Variants in PANX1 observed in about 807,000 individuals in gnomAD.
PANX1 encodes the protein pannexin 1.
A neutral mutation model predicts 38.7 loss-of-function variants in PANX1; 30 were observed. The observed-to-expected ratio is 0.78, with a 90% CI of 0.58 to 1.05. The LOEUF (loss-of-function observed/expected upper bound fraction) is 1.05, where lower values mean the gene tolerates loss of function less well. Among genes scored for constraint, PANX1 ranks in the 50% least tolerant of loss-of-function variants. The pLI, the probability that PANX1 is intolerant of heterozygous loss-of-function variation, is 0.00. For synonymous variants in PANX1, 230 were observed against 212.2 expected (o/e 1.08, Z -0.73); for missense variants, 551 against 517.2 (o/e 1.07, Z -0.63).
chr11:94,167,818 C>T (rs757018117), intron 2 of PANX1, among the ~76,000 whole-genome samples: 2 of 152,188 alleles, frequency 1.3e-5, no homozygotes, highest in Non-Finnish European at 2.9e-5. Context: ...ATGGTCCCTT[C>T]ATCAAGGAGC....
chr11:94,146,885 T>C (rs1446465085), intron 1 of PANX1, among the ~76,000 whole-genome samples: 2 of 152,208 alleles, frequency 1.3e-5, no homozygotes, highest in East Asian at 3.8e-4. Context: ...ATTGCTTGTA[T>C]CTGGTATTTT....
chr11:94,158,960 G>C (rs532670167), intron 2 of PANX1, among the ~76,000 whole-genome samples: 14 of 152,266 alleles, frequency 9.2e-5, no homozygotes, highest in East Asian at 1.9e-4. Context: ...TAGCATGAAG[G>C]GTTGTTGAAT....
At chr11:94,134,824 A>C (rs1327024736) in intron 1 of PANX1, among the ~76,000 whole-genome samples, 2 of 152,068 alleles carry the variant, frequency 1.3e-5, no homozygotes, top group South Asian at 4.1e-4. Flanking sequence ...CTCACCAGAC[A>C]CCGAATCTGC....
intron 4 of PANX1, among the ~76,000 whole-genome samples, chr11:94,180,491 C>G (rs1331668327): frequency 6.6e-6 from 1 of 152,176 alleles, no homozygotes; most frequent in African/African-American, 2.4e-5. Flanking sequence ...TGTGCTTTTT[C>G]TGGTTTTTCC....
intron 2 of PANX1, among the ~76,000 whole-genome samples, chr11:94,154,846 C>G (rs1434091254): frequency 2.6e-5 from 4 of 152,108 alleles, no homozygotes; most frequent in African/African-American, 9.7e-5. Context: ...ATACTGTATT[C>G]TTACAATAAG....
At chr11:94,132,799 T>C (rs775611607) in intron 1 of PANX1, among the ~76,000 whole-genome samples, 1 of 152,210 alleles carries the variant, frequency 6.6e-6, no homozygotes, top group African/African-American at 2.4e-5. Flanking sequence ...TTTGATAAAA[T>C]AGGGTTCAAG....
intron 1 of PANX1, among the ~76,000 whole-genome samples, chr11:94,146,984 C>G (rs1457029376): frequency 6.6e-6 from 1 of 152,182 alleles, no homozygotes; most frequent in African/African-American, 2.4e-5. Context: ...GTCATGATCT[C>G]TGCAACTAAC....
Position 94,129,471 on chromosome 11 carries a change from C to G in PANX1, c.159C>G (p.Ala53=). The change falls in exon 1 of 5, where the codon GCC becomes GCG. Residue 53 remains alanine, a synonymous_variant. Transcript: ENST00000227638. The part of the protein sequence containing the change: ...VGLPLLLISL[A]FAQEISIGTQ... ...TGCCCCTGCTGCTCATCTCGCTGGC[C>G]TTCGCGCAGGAGATCTCGATTGGTA... 1 of 1,612,716 alleles carries G rather than the reference C, an allele frequency of 6.2e-7. No homozygotes were observed. Among genetic ancestry groups the G allele is most frequent in the Non-Finnish European group, 8.5e-7 (1 of 1,179,144 alleles).
In PANX1 at chr11:94,164,146, G is replaced by T. The variant is rs569123656; in HGVS notation, c.321+10516G>T. Among the ~76,000 whole-genome samples, 6 of 150,918 alleles carry T rather than the reference G, an allele frequency of 4.0e-5. No individual in the cohort carries two copies. In the South Asian group the frequency reaches 1.3e-3, roughly 32 times the overall value. Reference sequence around the variant, plus strand: ...TTTTTAGTCTGGCTAAAGGTTTGTTGATTTTGTCTTTTCAAAAAACCAACT... The same window carrying T: ...TTTTTAGTCTGGCTAAAGGTTTGTTTATTTTGTCTTTTCAAAAAACCAACT... On this transcript the variant is annotated intron_variant, in intron 2 of 4. Transcript: ENST00000227638.
chr11:94,159,284 A>T (rs981281047), intron 2 of PANX1, among the ~76,000 whole-genome samples: 1 of 151,964 alleles, frequency 6.6e-6, no homozygotes, highest in African/African-American at 2.4e-5. Context: ...GTTAGGGAGG[A>T]TTCCCTCTTT....
intron 1 of PANX1, among the ~76,000 whole-genome samples, chr11:94,141,756 A>C (rs1278334534): frequency 3.3e-5 from 5 of 152,160 alleles, no homozygotes; most frequent in African/African-American, 7.2e-5. Context: ...CTGGCATGGC[A>C]CACATTGACT....
chr11:94,177,374 C>T lies in PANX1; in HGVS notation c.322-995C>T, dbSNP rs543362941. Among the ~76,000 whole-genome samples, 26 of 151,400 alleles carry T rather than the reference C, an allele frequency of 1.7e-4. 1 individual carries two copies. Among genetic ancestry groups the T allele is most frequent in the African/African-American group, 4.4e-4 (18 of 41,116 alleles). On this transcript the variant is annotated intron_variant, in intron 2 of 4. Transcript: ENST00000227638. ...TGTCTTATTGCTGATTAGAAGATCA[C>T]GCAAAAGGATAGTCGAAAGTGACAT...
intron 1 of PANX1, 74 bp downstream of exon 1, chr11:94,129,567 G>A (rs1483159694): frequency 1.5e-6 from 2 of 1,366,864 alleles, no homozygotes; most frequent in Admixed American, 2.0e-5. Context: ...ACGGCTCACA[G>A]GCCCGAGTCT....
intron 1 of PANX1, among the ~76,000 whole-genome samples, chr11:94,150,178 C>T (rs1004558999): frequency 6.7e-6 from 1 of 149,902 alleles, no homozygotes; most frequent in Non-Finnish European, 1.5e-5. Context: ...GGCCTCCGGG[C>T]AGAGGGGATC....
chr11:94,134,251 G>C (rs1220319739), intron 1 of PANX1, among the ~76,000 whole-genome samples: 1 of 152,188 alleles, frequency 6.6e-6, no homozygotes, highest in African/African-American at 2.4e-5. Context: ...GCTGCTGGGA[G>C]ACAGTGCCTT....
At chr11:94,157,349 A>G (rs557400433) in intron 2 of PANX1, among the ~76,000 whole-genome samples, 16 of 152,296 alleles carry the variant, frequency 1.1e-4, no homozygotes, top group African/African-American at 3.4e-4. Flanking sequence ...TTACAGTCCC[A>G]CCAACAGTGT....
intron 1 of PANX1, among the ~76,000 whole-genome samples, chr11:94,139,863 A>G (rs1045249726): frequency 6.6e-6 from 1 of 152,192 alleles, no homozygotes; most frequent in Non-Finnish European, 1.5e-5. Context: ...GTTCATTTGT[A>G]TCCTTTAAAA....
intron 2 of PANX1, among the ~76,000 whole-genome samples, chr11:94,162,871 CTTTT>C (rs59182320): frequency 1.2e-4 from 13 of 107,460 alleles, no homozygotes; most frequent in Admixed American, 2.2e-4. Flanking sequence ...ACCAACCTCT[CTTTT>C]TTTTTTTTTT....
At chr11:94,178,617 C>T (rs1947264768) in intron 3 of PANX1, 25 bp downstream of exon 3, 2 of 1,576,448 alleles carry the variant, frequency 1.3e-6, no homozygotes, top group Admixed American at 3.3e-5. Context: ...GCAGGCAGCT[C>T]ATCGGGTTTT....
Sources: allele counts gnomAD v4.1 joint callset (sites outside exome capture counted in the v4.1 genomes callset), GRCh38; gene constraint gnomAD v4.1.1; transcripts MANE v1.5; gene names NCBI Gene and HGNC (gene_info 2026-07-23, HGNC 2026-07-21).